NCAM2: variants seen among roughly 807,000 people sequenced by gnomAD.
NCAM2 encodes the protein N-CAM-2.
A neutral mutation model predicts 98.1 loss-of-function variants in NCAM2; 30 were observed. The observed-to-expected ratio is 0.31, with a 90% CI of 0.23 to 0.41. The LOEUF (loss-of-function observed/expected upper bound fraction) is 0.41, where lower values mean the gene tolerates loss of function less well. Among genes scored for constraint, NCAM2 ranks in the 10% least tolerant of loss-of-function variants. NCAM2 has a pLI of 1.00. For missense variants in NCAM2, 867 were observed against 1,005.8 expected, an observed-to-expected ratio of 0.86 and a Z score of 1.87; for synonymous variants, 368 against 342.4, an observed-to-expected ratio of 1.07 and a Z score of -0.83.
chr21:21,174,036 G>T (rs1427094210), intron 1 of NCAM2, among the ~76,000 whole-genome samples: 1 of 152,148 alleles, frequency 6.6e-6, no homozygotes, highest in East Asian at 1.9e-4. Context: ...CGATTCTCCT[G>T]CCTCAGCCTC....
chr21:21,423,425 ACTTTT>A (rs2077153252), intron 11 of NCAM2, among the ~76,000 whole-genome samples: 1 of 152,304 alleles, frequency 6.6e-6, no homozygotes, highest in South Asian at 2.1e-4. Flanking sequence ...CATATTGGTC[ACTTTT>A]CTTTTGGATA....
chr21:21,328,048 C>A (rs1313865029), intron 6 of NCAM2, among the ~76,000 whole-genome samples: 1 of 151,838 alleles, frequency 6.6e-6, no homozygotes, highest in African/African-American at 2.4e-5. Context: ...TAAAATGTTC[C>A]ATTTAAACCC....
chr21:21,433,599 C>T (rs909778674), intron 12 of NCAM2, among the ~76,000 whole-genome samples: 14 of 151,102 alleles, frequency 9.3e-5, no homozygotes, highest in East Asian at 5.9e-4. Flanking sequence ...AAAAATTAGA[C>T]GGATGTGGTG....
intron 1 of NCAM2, among the ~76,000 whole-genome samples, chr21:21,131,133 AT>A (rs1751590147): frequency 4.6e-5 from 7 of 152,234 alleles, no homozygotes; most frequent in Admixed American, 4.6e-4. Flanking sequence ...GTTAACACTT[AT>A]GAAAATCACA....
At chr21:21,516,371 A>G (rs1202093838) in intron 16 of NCAM2, among the ~76,000 whole-genome samples, 1 of 152,086 alleles carries the variant, frequency 6.6e-6, no homozygotes, top group Non-Finnish European at 1.5e-5. Flanking sequence ...TAATAATCTA[A>G]TTATAAAAGT....
chr21:21,083,436 T>C (rs77477969), intron 1 of NCAM2, among the ~76,000 whole-genome samples: 2 of 149,260 alleles, frequency 1.3e-5, no homozygotes, highest in Non-Finnish European at 3.0e-5. Flanking sequence ...TTTTTTTTTT[T>C]TGAGACAGGG....
intron 1 of NCAM2, among the ~76,000 whole-genome samples, chr21:21,182,319 G>A (rs2068504382): frequency 6.6e-6 from 1 of 151,998 alleles, no homozygotes; most frequent in South Asian, 2.1e-4. Context: ...TTCCTCATTG[G>A]CACATCTCAC....
intron 1 of NCAM2, among the ~76,000 whole-genome samples, chr21:21,148,201 ATGTT>A (rs1276189495): frequency 3.3e-5 from 5 of 152,202 alleles, no homozygotes; most frequent in African/African-American, 1.2e-4. Flanking sequence ...CTCAGAAATT[ATGTT>A]TGATCAGATA....
intron 4 of NCAM2, among the ~76,000 whole-genome samples, chr21:21,287,394 G>A (rs186186492): frequency 6.6e-6 from 1 of 151,952 alleles, no homozygotes; most frequent in East Asian, 1.9e-4. Context: ...CATGTTCAAT[G>A]CTTGTCAGTT....
At chr21:21,120,963 G>T (rs887209439) in intron 1 of NCAM2, among the ~76,000 whole-genome samples, 1 of 151,962 alleles carries the variant, frequency 6.6e-6, no homozygotes, top group Admixed American at 6.6e-5. Context: ...TGATCCACCC[G>T]CCTCAGCCTC....
chr21:21,143,538 C>T (rs1276395185), intron 1 of NCAM2, among the ~76,000 whole-genome samples: 1 of 152,144 alleles, frequency 6.6e-6, no homozygotes, highest in Non-Finnish European at 1.5e-5. Context: ...AGATTTTCCT[C>T]TGTGTATAGT....
At chr21:21,117,131 G>T (rs1175155107) in intron 1 of NCAM2, among the ~76,000 whole-genome samples, 1 of 152,072 alleles carries the variant, frequency 6.6e-6, no homozygotes, top group Non-Finnish European at 1.5e-5. Flanking sequence ...AATATATCCA[G>T]CACCACTCAT....
chr21:21,523,973 A>G (rs1263996848), intron 16 of NCAM2, among the ~76,000 whole-genome samples: 1 of 152,054 alleles, frequency 6.6e-6, no homozygotes, highest in Non-Finnish European at 1.5e-5. Flanking sequence ...TTATCTAAAT[A>G]GCTCAATTGA....
chr21:21,335,710 A>G, intron 7 of NCAM2, 45 bp downstream of exon 7: 2 of 1,403,808 alleles, frequency 1.4e-6, no homozygotes, highest in Non-Finnish European at 1.9e-6. Context: ...GTCTATTGGA[A>G]GATCAGAGTG....
At chr21:21,325,926 T>C (rs918751968) in intron 6 of NCAM2, among the ~76,000 whole-genome samples, 1 of 152,132 alleles carries the variant, frequency 6.6e-6, no homozygotes, top group Non-Finnish European at 1.5e-5. Context: ...CTAATGTAAT[T>C]GATGATTCCA....
intron 1 of NCAM2, among the ~76,000 whole-genome samples, chr21:21,103,328 A>G (rs921332026): frequency 1.3e-5 from 2 of 152,068 alleles, no homozygotes; most frequent in Admixed American, 6.6e-5. Flanking sequence ...TGGAACTGCA[A>G]TTAAACTCAG....
rs76296579 is a variant in NCAM2 at position 21,212,602 on chromosome 21, G to A, written c.56-67976G>A. Among the ~76,000 whole-genome samples, 16 of 152,228 alleles carry A rather than the reference G, an allele frequency of 1.1e-4. No homozygotes were observed. In the East Asian group the frequency reaches 3.1e-3, roughly 29 times the overall value. ...ACCTGGGGAAAGCTGACTAAGATAG[G>A]TGGGTCATATCATTGACAATATCAT... On this transcript the variant is annotated intron_variant, in intron 1 of 17. Transcript: ENST00000400546.
chr21:21,513,469 A>AT (rs534994834), intron 16 of NCAM2, among the ~76,000 whole-genome samples: 74 of 151,622 alleles, frequency 4.9e-4, no homozygotes, highest in African/African-American at 1.4e-3. Flanking sequence ...TCAGGAGCAT[A>AT]TTTTTTTTAA....
chr21:21,365,492 A>T (rs752141768), intron 8 of NCAM2, among the ~76,000 whole-genome samples: 9 of 152,006 alleles, frequency 5.9e-5, no homozygotes, highest in Non-Finnish European at 1.2e-4. Flanking sequence ...CTCAAAATAT[A>T]TCAGTTACAA....
Sources: gnomAD v4.1 joint callset for allele counts (sites outside exome capture counted in the v4.1 genomes callset) on GRCh38, gnomAD v4.1.1 for gene constraint, MANE v1.5 for transcripts, NCBI Gene and HGNC (gene_info 2026-07-23, HGNC 2026-07-21) for gene names.